DPP6: variants seen among roughly 807,000 people sequenced by gnomAD.
DPP6 encodes dipeptidyl peptidase like 6, also known as A-type potassium channel modulatory protein DPP6.
Under a neutral mutation model 122.6 loss-of-function variants are expected in DPP6, and 69 were observed. The ratio of observed to expected loss-of-function variants is 0.56; its 90% CI spans 0.46 to 0.69. The LOEUF is 0.69. DPP6 is among the 30% of genes least tolerant of loss of function. The pLI is 0.00. For synonymous variants in DPP6, 418 were observed against 433.1 expected (o/e 0.97, Z 0.43); for missense variants, 928 against 1,116.9 (o/e 0.83, Z 2.41).
At chr7:154,351,932 G>A (rs1810892543) in intron 1 of DPP6, among the ~76,000 whole-genome samples, 1 of 152,148 alleles carries the variant, frequency 6.6e-6, no homozygotes, top group South Asian at 2.1e-4. Context: ...CAGCCCTCTG[G>A]AAGGTGGGAG....
the DPP6 span, among the ~76,000 whole-genome samples, chr7:153,847,819 T>A: frequency 6.6e-6 from 1 of 152,214 alleles, no homozygotes; most frequent in Non-Finnish European, 1.5e-5. Flanking sequence ...CGTCTGCAGT[T>A]CAGTTTAACT....
At chr7:154,107,581 C>A (rs1236750266) in intron 1 of DPP6, among the ~76,000 whole-genome samples, 1 of 152,138 alleles carries the variant, frequency 6.6e-6, no homozygotes, top group Non-Finnish European at 1.5e-5. Flanking sequence ...GTACCACACA[C>A]CCACAAACAT....
intron 1 of DPP6, among the ~76,000 whole-genome samples, chr7:154,235,015 G>A (rs6961279): frequency 0.88 from 133,869 of 152,260 alleles, 59,196 homozygotes; most frequent in African/African-American, 0.97. Flanking sequence ...TTGTTTTGGT[G>A]ACAGCTTTAT....
chr7:153,952,662 A>C (rs1220936674), intron 1 of DPP6, among the ~76,000 whole-genome samples: 4 of 152,238 alleles, frequency 2.6e-5, no homozygotes, highest in African/African-American at 4.8e-5. Context: ...CAGCAGAGAA[A>C]GGACTTTTTG....
At chr7:154,329,422 G>A (rs6960109) in intron 1 of DPP6, among the ~76,000 whole-genome samples, 3 of 152,072 alleles carry the variant, frequency 2.0e-5, no homozygotes, top group South Asian at 2.1e-4. Flanking sequence ...GTTCATATCC[G>A]TCACCCACTT....
intron 1 of DPP6, among the ~76,000 whole-genome samples, chr7:154,157,723 C>T (rs1419999667): frequency 8.5e-5 from 13 of 152,180 alleles, no homozygotes; most frequent in East Asian, 1.9e-4. Flanking sequence ...CACCTGAGGT[C>T]GGGAGTTCGA....
At chr7:154,416,602 G>A (rs1280925865) in intron 1 of DPP6, among the ~76,000 whole-genome samples, 1 of 152,058 alleles carries the variant, frequency 6.6e-6, no homozygotes, top group Non-Finnish European at 1.5e-5. Context: ...AGGAAAAACA[G>A]CACATATCAG....
chr7:154,404,695 A>T (rs934604570), intron 1 of DPP6, among the ~76,000 whole-genome samples: 12 of 152,242 alleles, frequency 7.9e-5, no homozygotes, highest in Non-Finnish European at 1.6e-4. Context: ...CTATTTCAAT[A>T]GTTGTGATTC....
intron 1 of DPP6, among the ~76,000 whole-genome samples, chr7:154,025,585 A>C: frequency 1.0e-5 from 1 of 97,932 alleles, no homozygotes; most frequent in Non-Finnish European, 2.0e-5. Flanking sequence ...AAACATTTCA[A>C]CTCTTTTGCA....
chr7:154,016,078 T>C (rs551477070), intron 1 of DPP6, among the ~76,000 whole-genome samples: 1 of 152,336 alleles, frequency 6.6e-6, no homozygotes, highest in South Asian at 2.1e-4. Flanking sequence ...TTTGCTCCTC[T>C]GCCCCGAAGG....
intron 1 of DPP6, among the ~76,000 whole-genome samples, chr7:154,392,883 G>A (rs1028773139): frequency 5.3e-5 from 8 of 152,170 alleles, no homozygotes; most frequent in Admixed American, 1.3e-4. Context: ...TGGTGAGCAC[G>A]CGGGGCTGGG....
At position 154,893,756 on chromosome 7, in the gene DPP6, C is replaced by A. The variant is rs1010761934; in HGVS notation, c.*1276C>A. The A allele has an allele frequency of 6.6e-6, 1 of 152,236 alleles. No individual in the cohort carries two copies. Among genetic ancestry groups the A allele is most frequent in the African/African-American group, 2.4e-5 (1 of 41,444 alleles). The allele number at this position is 152,236 out of a possible 1,614,324, so 9.4% of individuals were successfully genotyped here. ...TCAGGCCTCTGTGCAGTCAACCCAG[C>A]CTCCTCCCGCCAGTGCTAACCCCGT... On this transcript the variant is annotated 3_prime_UTR_variant, in exon 26 of 26. Coordinates refer to ENST00000377770, the MANE Select transcript of DPP6 (RefSeq NM_130797.4).
At chr7:154,302,242 G>T (rs1805960155) in intron 1 of DPP6, among the ~76,000 whole-genome samples, 1 of 152,138 alleles carries the variant, frequency 6.6e-6, no homozygotes, top group Non-Finnish European at 1.5e-5. Context: ...CGTGAGTTTG[G>T]CTACTTTCAA....
intron 1 of DPP6, among the ~76,000 whole-genome samples, chr7:154,059,971 C>T (rs1452864717): frequency 1.3e-5 from 2 of 152,008 alleles, no homozygotes; most frequent in Admixed American, 6.6e-5. Context: ...TGGCTGAGAT[C>T]CATCCCCTCT....
At chr7:154,061,488 G>GTA (rs1255185408) in intron 1 of DPP6, among the ~76,000 whole-genome samples, 1 of 147,186 alleles carries the variant, frequency 6.8e-6, no homozygotes, top group Non-Finnish European at 1.5e-5. Flanking sequence ...GGCCTTGGCA[G>GTA]CAACTGCCCT....
chr7:154,537,390 G>C (rs1180001221), intron 3 of DPP6, among the ~76,000 whole-genome samples: 2 of 152,184 alleles, frequency 1.3e-5, no homozygotes, highest in African/African-American at 4.8e-5. Flanking sequence ...TAAGAAGTTT[G>C]AAAATAGCAA....
At chr7:153,884,987 A>AATACATACATAT (rs1209555021), upstream of DPP6, among the ~76,000 whole-genome samples, 3 of 116,458 alleles carry the variant, frequency 2.6e-5, no homozygotes, top group South Asian at 6.1e-4. Flanking sequence ...TCAAAACAAA[A>AATACATACATAT]ATATATATAT....
At position 154,894,197 on chromosome 7, in the gene DPP6, C is replaced by G. The variant is rs1806868274; in HGVS notation, c.*1717C>G. ...GCCAGCTAGGTCTGGAAGGGGAAGC[C>G]AGCTCTGGCCACGACATCTGGTCGG... On this transcript the variant is annotated 3_prime_UTR_variant, in exon 26 of 26. Transcript: ENST00000377770. The G allele has an allele frequency of 6.6e-6, 1 of 152,264 alleles. No homozygotes were observed. Among genetic ancestry groups the G allele is most frequent in the Non-Finnish European group, 1.5e-5 (1 of 68,076 alleles). 9.4% of individuals were successfully genotyped at this position (152,264 alleles called of 1,614,324 possible). A position where few individuals can be genotyped will look rare whatever the true frequency, so the allele number is the denominator to read the frequency against.
intron 6 of DPP6, among the ~76,000 whole-genome samples, chr7:154,668,184 C>A (rs11979212): frequency 0.038 from 1,553 of 41,040 alleles, 51 homozygotes; most frequent in African/African-American, 0.075. Context: ...GCATTCCCAG[C>A]TATGTGTATA....
Sources: allele counts gnomAD v4.1 joint callset (sites outside exome capture counted in the v4.1 genomes callset), GRCh38; gene constraint gnomAD v4.1.1; transcripts MANE v1.5; gene names NCBI Gene and HGNC (gene_info 2026-07-23, HGNC 2026-07-21).